Variants in PYM1 observed in about 807,000 individuals in gnomAD.
The protein encoded by PYM1 is partner of Y14 and mago.
Under a neutral mutation model 20.7 loss-of-function variants are expected in PYM1, and 7 were observed. That is an observed-to-expected ratio of 0.34 (90% CI 0.19 to 0.64). The LOEUF (loss-of-function observed/expected upper bound fraction) is 0.64, where lower values mean the gene tolerates loss of function less well. Among genes scored for constraint, PYM1 ranks in the 30% least tolerant of loss-of-function variants. PYM1 has a pLI of 0.74. For missense variants in PYM1, 194 were observed against 250.0 expected, an observed-to-expected ratio of 0.78 and a Z score of 1.51; for synonymous variants, 100 against 99.2, an observed-to-expected ratio of 1.01 and a Z score of -0.05.
intron 1 of PYM1, among the ~76,000 whole-genome samples, chr12:55,918,106 T>C (rs1239536970): frequency 6.6e-6 from 1 of 151,574 alleles, no homozygotes; most frequent in Non-Finnish European, 1.5e-5. Flanking sequence ...TTTTTTTTTT[T>C]CTTTTTTTTG....
At chr12:55,916,974 C>T (rs1883018805) in intron 1 of PYM1, among the ~76,000 whole-genome samples, 1 of 151,010 alleles carries the variant, frequency 6.6e-6, no homozygotes, top group Non-Finnish European at 1.5e-5. Flanking sequence ...TGGTGGCGCA[C>T]ACCTGTAATC....
At chr12:55,921,508 A>C (rs1883096970) in intron 1 of PYM1, among the ~76,000 whole-genome samples, 2 of 152,016 alleles carry the variant, frequency 1.3e-5, no homozygotes, top group African/African-American at 4.8e-5. Flanking sequence ...AATAATCATA[A>C]AAAAATAAAA....
At chr12:55,905,417 C>T (rs1187561309) in intron 1 of PYM1, among the ~76,000 whole-genome samples, 1 of 151,406 alleles carries the variant, frequency 6.6e-6, no homozygotes, top group Non-Finnish European at 1.5e-5. Flanking sequence ...TTCCAAAATT[C>T]TTGGCAGGGC....
chr12:55,914,955 C>T (rs1299385589), intron 1 of PYM1, among the ~76,000 whole-genome samples: 2 of 152,122 alleles, frequency 1.3e-5, no homozygotes, highest in Non-Finnish European at 2.9e-5. Flanking sequence ...GTGGCTCACA[C>T]CTGTAATCCC....
chr12:55,924,993 T>G (rs891044435), intron 1 of PYM1, among the ~76,000 whole-genome samples: 4 of 152,218 alleles, frequency 2.6e-5, no homozygotes, highest in African/African-American at 9.6e-5. Flanking sequence ...CAAAAAATTT[T>G]TTTAAAAAGA....
rs1565714412 is a variant in PYM1, at chr12:55,905,876, T to TTAGATATATATATAA, written c.38-2397_38-2396insTTATATATATATCTA. Among the ~76,000 whole-genome samples, 7 of 78,632 alleles carry TTAGATATATATATAA rather than the reference T, an allele frequency of 8.9e-5. 2 individuals are homozygous for TTAGATATATATATAA. In the South Asian group the frequency reaches 1.3e-3, roughly 14 times the overall value. 51.6% of individuals were successfully genotyped at this position (78,632 alleles called of 152,430 possible). A position where few individuals can be genotyped will look rare whatever the true frequency, so the allele number is the denominator to read the frequency against. On this transcript the variant is annotated intron_variant, in intron 1 of 2. Coordinates refer to ENST00000408946, the MANE Select transcript of PYM1 (RefSeq NM_032345.3). Reference sequence around the variant, plus strand: ...TATATATTAGATATATATATATCTATTAGATATATATATTATTATATATAT... The same window carrying TTAGATATATATATAA: ...TATATATTAGATATATATATATCTATTAGATATATATATAATAGATATATATATTATTATATATAT...
At position 55,903,413 on chromosome 12, in the gene PYM1, T is replaced by A. The variant is rs770912941; in HGVS notation, c.105A>T (p.Gly35=). ...CTGGGACCTCCTCCTGGGGCACATA[T>A]CCTTCTTTCACCCTCCGCTGCTTGC... ...TWRKQRRVKE[G]YVPQEEVPVY... The change falls in exon 2 of 3, where the codon GGA becomes GGT. Residue 35 remains glycine (G), a synonymous_variant. Transcript: ENST00000408946. The A allele has an allele frequency of 6.2e-7, 1 of 1,614,082 alleles. No individual in the cohort carries two copies. The highest frequency in any genetic ancestry group is 8.5e-7 in the Non-Finnish European group (1 of 1,180,008).
intron 1 of PYM1, among the ~76,000 whole-genome samples, chr12:55,905,904 A>ATT (rs57568153): frequency 0.059 from 6,334 of 107,228 alleles, 1,664 homozygotes; most frequent in Non-Finnish European, 0.079. Context: ...ATATATATCT[A>ATT]ATAGATATAT....
chr12:55,903,559 A>T, intron 1 of PYM1, 79 bp from the exon 2 acceptor site: 1 of 1,371,980 alleles, frequency 7.3e-7, no homozygotes, highest in Admixed American at 1.8e-5. Flanking sequence ...GTATAAATGT[A>T]CATACCATCT....
chr12:55,909,413 C>A (rs1882881817), intron 1 of PYM1, among the ~76,000 whole-genome samples: 1 of 152,124 alleles, frequency 6.6e-6, no homozygotes, highest in Non-Finnish European at 1.5e-5. Flanking sequence ...ACCTTGAATA[C>A]CAGTTAAAGA....
At chr12:55,924,403 C>T (rs1357592913) in intron 1 of PYM1, among the ~76,000 whole-genome samples, 1 of 151,980 alleles carries the variant, frequency 6.6e-6, no homozygotes, top group African/African-American at 2.4e-5. Context: ...AACATTTTGG[C>T]AGACTGAGGT....
At chr12:55,921,265 A>G (rs1883093276) in intron 1 of PYM1, among the ~76,000 whole-genome samples, 2 of 152,226 alleles carry the variant, frequency 1.3e-5, no homozygotes, top group African/African-American at 4.8e-5. Context: ...GACACTTTTT[A>G]TGTGCCAAAC....
At chr12:55,904,943 AC>A (rs760278415) in intron 1 of PYM1, among the ~76,000 whole-genome samples, 59 of 151,706 alleles carry the variant, frequency 3.9e-4, no homozygotes, top group South Asian at 1.0e-3. Context: ...TTATTTCAGG[AC>A]CCCCTTTACA....
At chr12:55,921,910 C>G (rs1050499897) in intron 1 of PYM1, among the ~76,000 whole-genome samples, 14 of 152,020 alleles carry the variant, frequency 9.2e-5, no homozygotes, top group Admixed American at 9.2e-4. Flanking sequence ...TTTGAGACAG[C>G]CTCTCACTGA....
Position 55,927,867 on chromosome 12 carries a change from T to C in PYM1, c.-106A>G. 1 of 1,432,274 alleles carries C rather than the reference T, an allele frequency of 7.0e-7. No individual in the cohort carries two copies. Among genetic ancestry groups the C allele is most frequent in the Non-Finnish European group, 9.3e-7 (1 of 1,071,194 alleles). 88.7% of individuals were successfully genotyped at this position (1,432,274 alleles called of 1,614,324 possible). A position where few individuals can be genotyped will look rare whatever the true frequency, so the allele number is the denominator to read the frequency against. ...GCGAAGTGATGAGGGCCCTAGTTGCTTCTCGCCCAGACCTCCTAACCCTGA... is the reference window on the plus strand; with the variant it reads ...GCGAAGTGATGAGGGCCCTAGTTGCCTCTCGCCCAGACCTCCTAACCCTGA... On this transcript the variant is annotated 5_prime_UTR_variant, in exon 1 of 3. Transcript: ENST00000408946.
intron 1 of PYM1, among the ~76,000 whole-genome samples, chr12:55,922,417 C>T (rs1419448846): frequency 7.4e-6 from 1 of 134,514 alleles, no homozygotes; most frequent in Non-Finnish European, 1.5e-5. Context: ...CAAGACCAGC[C>T]CAGGCAACAT....
Position 55,914,252 on chromosome 12 carries a change from T to C in PYM1, c.38-10772A>G, listed in dbSNP as rs1024713496. On this transcript the variant is annotated intron_variant, in intron 1 of 2. Coordinates refer to ENST00000408946, the MANE Select transcript of PYM1 (RefSeq NM_032345.3). ...GTGTGGAAGCCCTCAGAGATACAAATAGCCCATTATCACAAAGGAGCACCT... is the reference window on the plus strand; with the variant it reads ...GTGTGGAAGCCCTCAGAGATACAAACAGCCCATTATCACAAAGGAGCACCT... The C allele has an allele frequency of 1.4e-5, 10 of 701,286 alleles. No homozygotes were observed. The African/African-American group carries it at 1.6e-4, about 11-fold the overall frequency. The allele number at this position is 701,286 out of a possible 1,614,324, so 43.4% of individuals were successfully genotyped here.
At chr12:55,927,350 C>A (rs747691558) in intron 1 of PYM1, 6 of 731,222 alleles carry the variant, frequency 8.2e-6, no homozygotes, top group Non-Finnish European at 1.5e-5. Flanking sequence ...GTAAAACAGT[C>A]CTCAGGGAGC....
rs201508467 is a variant in PYM1 at position 55,902,116 on chromosome 12, A to T, written c.371T>A (p.Leu124His). 10 of 1,613,666 alleles carry T rather than the reference A, an allele frequency of 6.2e-6. No individual in the cohort carries two copies. The highest frequency in any genetic ancestry group is 1.7e-5 in the Admixed American group (1 of 59,944). Reference protein sequence around the residue: ...DKVSLEETAQLPSAPQGSRAA... With the variant: ...DKVSLEETAQHPSAPQGSRAA... ...CCGAGAGCCCTGTGGAGCACTGGGG[A>T]GTTGGGCTGTCTCTTCCAGGGACAC... Residue 124 changes from leucine (L) to histidine (H), a missense_variant, in exon 3 of 3, where the codon CTC (leucine) becomes CAC (histidine). By Grantham distance (99) the Leu-to-His change is moderately conservative (BLOSUM62 -3). Coordinates refer to ENST00000408946, the MANE Select transcript of PYM1 (RefSeq NM_032345.3).
Sources: allele counts gnomAD v4.1 joint callset (sites outside exome capture counted in the v4.1 genomes callset), GRCh38; gene constraint gnomAD v4.1.1; transcripts MANE v1.5; gene names NCBI Gene and HGNC (gene_info 2026-07-23, HGNC 2026-07-21).